The following ENTHD1 variants were observed in gnomAD, a reference collection of about 807,000 sequenced individuals.
The protein encoded by ENTHD1 is ENTH domain-containing protein 1.
A neutral mutation model predicts 39.1 loss-of-function variants in ENTHD1; 23 were observed. That is an observed-to-expected ratio of 0.59 (90% CI 0.42 to 0.83). The LOEUF (loss-of-function observed/expected upper bound fraction) is 0.83, where lower values mean the gene tolerates loss of function less well. Among genes scored for constraint, ENTHD1 ranks in the 40% least tolerant of loss-of-function variants. The pLI, the probability that ENTHD1 is intolerant of heterozygous loss-of-function variation, is 0.00. For synonymous variants in ENTHD1, 230 were observed against 258.2 expected, an observed-to-expected ratio of 0.89 and a Z score of 1.05; for missense variants, 624 against 705.4, an observed-to-expected ratio of 0.88 and a Z score of 1.31.
intron 3 of ENTHD1, among the ~76,000 whole-genome samples, chr22:39,850,212 G>C (rs1167685897): frequency 1.3e-5 from 2 of 151,948 alleles, no homozygotes; most frequent in Non-Finnish European, 2.9e-5. Context: ...ATTTATTCCT[G>C]TAGTTCTACC....
chr22:39,783,359 C>G (rs887942741), intron 5 of ENTHD1, among the ~76,000 whole-genome samples: 1 of 152,076 alleles, frequency 6.6e-6, no homozygotes, highest in South Asian at 2.1e-4. Flanking sequence ...CAATCCCTAT[C>G]AAAATATCAA....
At chr22:39,794,176 G>A (rs1007806286) in intron 5 of ENTHD1, among the ~76,000 whole-genome samples, 8 of 152,038 alleles carry the variant, frequency 5.3e-5, no homozygotes, top group East Asian at 1.9e-4. Flanking sequence ...GTTTTTCACC[G>A]CCTTGGTTAA....
chr22:39,854,969 A>C (rs1569168834), intron 3 of ENTHD1, among the ~76,000 whole-genome samples: 1 of 152,162 alleles, frequency 6.6e-6, no homozygotes, highest in African/African-American at 2.4e-5. Flanking sequence ...ATGTTAGTCA[A>C]TTTCAATTTC....
At chr22:39,796,722 A>G (rs1360914808) in intron 5 of ENTHD1, among the ~76,000 whole-genome samples, 1 of 152,064 alleles carries the variant, frequency 6.6e-6, no homozygotes, top group Non-Finnish European at 1.5e-5. Flanking sequence ...GTTTTATTCC[A>G]TTGTGGTCTG....
At position 39,852,524 on chromosome 22, in the gene ENTHD1, A is replaced by G. The variant is rs537493156; in HGVS notation, c.592+9241T>C. Among the ~76,000 whole-genome samples the G allele has an allele frequency of 9.5e-4, 145 of 152,378 alleles. 1 individual carries two copies. The highest frequency in any genetic ancestry group is 4.6e-3 in the South Asian group (22 of 4,832). On this transcript the variant is annotated intron_variant, in intron 3 of 6. Coordinates refer to ENST00000325157, the MANE Select transcript of ENTHD1 (RefSeq NM_152512.4). ...GATGCTTTCTGAGAAATGCATTGCT[A>G]GGCAATTTCATTGTTGTACAAACAT...
At chr22:39,823,177 C>G (rs886865125) in intron 4 of ENTHD1, among the ~76,000 whole-genome samples, 8 of 152,128 alleles carry the variant, frequency 5.3e-5, no homozygotes, top group African/African-American at 1.9e-4. Context: ...CCTAGAGATT[C>G]ATCCAAATTA....
At chr22:39,748,614 G>A (rs941871961) in intron 6 of ENTHD1, among the ~76,000 whole-genome samples, 6 of 151,732 alleles carry the variant, frequency 4.0e-5, no homozygotes, top group Non-Finnish European at 5.9e-5. Context: ...TAGTAGAGAC[G>A]GGGTTTCACT....
At chr22:39,806,197 G>A (rs1013737223) in intron 5 of ENTHD1, among the ~76,000 whole-genome samples, 95 of 152,138 alleles carry the variant, frequency 6.2e-4, no homozygotes, top group African/African-American at 2.2e-3. Flanking sequence ...AAATAATATC[G>A]GGGCCAGTGC....
rs756930987 is a variant in ENTHD1 at position 39,816,878 on chromosome 22, GAGAA to G, written c.832+4111_832+4114del. Reference sequence around the variant, plus strand: ...AAAGATATTTGCAACATAAATAGCAGAGAAAGAATCAGATATCTATGTATATATC... The same window carrying G: ...AAAGATATTTGCAACATAAATAGCAGAGAATCAGATATCTATGTATATATC... On this transcript the variant is annotated intron_variant, in intron 5 of 6. Coordinates refer to ENST00000325157, the MANE Select transcript of ENTHD1 (RefSeq NM_152512.4). Among the ~76,000 whole-genome samples, 31 of 151,560 alleles carry G rather than the reference GAGAA, an allele frequency of 2.0e-4. No individual in the cohort carries two copies. The East Asian group carries it at 5.2e-3, about 26-fold the overall frequency.
intron 6 of ENTHD1, among the ~76,000 whole-genome samples, 171 bp downstream of exon 6, chr22:39,765,052 C>T (rs1253832153): frequency 6.6e-6 from 1 of 151,938 alleles, no homozygotes; most frequent in Non-Finnish European, 1.5e-5. Context: ...GGGACTTTCC[C>T]AACTAAGAAG....
At chr22:39,771,382 A>G (rs1468869458) in intron 5 of ENTHD1, among the ~76,000 whole-genome samples, 2 of 152,148 alleles carry the variant, frequency 1.3e-5, no homozygotes, top group Non-Finnish European at 2.9e-5. Flanking sequence ...ATTGGCTAAA[A>G]GTGGGCTGAA....
chr22:39,809,531 C>T (rs2065669541), intron 5 of ENTHD1, among the ~76,000 whole-genome samples: 1 of 152,110 alleles, frequency 6.6e-6, no homozygotes, highest in African/African-American at 2.4e-5. Context: ...AGAAAAAGGG[C>T]ACTTCTCTGG....
intron 5 of ENTHD1, among the ~76,000 whole-genome samples, chr22:39,802,194 T>A (rs1454501432): frequency 6.6e-6 from 1 of 152,214 alleles, no homozygotes; most frequent in Non-Finnish European, 1.5e-5. Context: ...TGGCCAGCAC[T>A]CCTGTAACAA....
At chr22:39,885,302 T>C (rs931789710) in intron 2 of ENTHD1, among the ~76,000 whole-genome samples, 27 of 152,254 alleles carry the variant, frequency 1.8e-4, no homozygotes, top group African/African-American at 6.0e-4. Flanking sequence ...GAGATACCAA[T>C]TCACAACCAG....
intron 5 of ENTHD1, among the ~76,000 whole-genome samples, chr22:39,780,998 C>CAAAAAAAAAAAA (rs370342913): frequency 8.8e-5 from 11 of 124,864 alleles, no homozygotes; most frequent in Non-Finnish European, 1.4e-4. Context: ...GACTCCATCT[C>CAAAAAAAAAAAA]AAAAAAAAAA....
chr22:39,826,702 A>T (rs867231939), intron 4 of ENTHD1, among the ~76,000 whole-genome samples: 12 of 152,046 alleles, frequency 7.9e-5, no homozygotes, highest in South Asian at 2.1e-4. Context: ...AGATTGATTG[A>T]TTGTAAAAAT....
At chr22:39,885,627 A>G (rs1670944617) in intron 2 of ENTHD1, among the ~76,000 whole-genome samples, 1 of 152,260 alleles carries the variant, frequency 6.6e-6, no homozygotes. Context: ...TGTAATGTAC[A>G]TACAATAGAA....
At chr22:39,745,775 G>A (rs1430676019) in intron 6 of ENTHD1, among the ~76,000 whole-genome samples, 1 of 152,226 alleles carries the variant, frequency 6.6e-6, no homozygotes, top group East Asian at 1.9e-4. Context: ...TCTGTACTCT[G>A]CTTTTAGGCT....
chr22:39,839,554 T>A (rs2065929300), intron 3 of ENTHD1, among the ~76,000 whole-genome samples: 1 of 152,178 alleles, frequency 6.6e-6, no homozygotes, highest in Non-Finnish European at 1.5e-5. Flanking sequence ...GAATCTTTCA[T>A]TTATGGTTGT....
Sources: gnomAD v4.1 joint callset for allele counts (sites outside exome capture counted in the v4.1 genomes callset) on GRCh38, gnomAD v4.1.1 for gene constraint, MANE v1.5 for transcripts, NCBI Gene and HGNC (gene_info 2026-07-23, HGNC 2026-07-21) for gene names.